Variants in COL21A1 observed in about 807,000 individuals in gnomAD.
COL21A1 encodes the protein collagen alpha-1(XXI) chain.
Under a neutral mutation model 137.9 loss-of-function variants are expected in COL21A1, and 149 were observed. That is an observed-to-expected ratio of 1.08 (90% CI 0.95 to 1.24). The LOEUF (loss-of-function observed/expected upper bound fraction) is 1.24, where lower values mean the gene tolerates loss of function less well. Ranked by LOEUF, COL21A1 falls within the 50% of genes most tolerant of loss-of-function variation. The pLI is 0.00. For synonymous variants in COL21A1, 456 were observed against 391.5 expected, an observed-to-expected ratio of 1.16 and a Z score of -1.95; for missense variants, 1,167 against 1,158.4, an observed-to-expected ratio of 1.01 and a Z score of -0.11.
At chr6:56,374,787 A>ATGTTC (rs1301020454) in intron 1 of COL21A1, among the ~76,000 whole-genome samples, 3 of 152,186 alleles carry the variant, frequency 2.0e-5, no homozygotes, top group Non-Finnish European at 4.4e-5. Flanking sequence ...GTTTGTAAAA[A>ATGTTC]AGACATTCAG....
chr6:56,352,315 C>T (rs551817004), intron 1 of COL21A1, among the ~76,000 whole-genome samples: 37 of 152,170 alleles, frequency 2.4e-4, no homozygotes, highest in Middle Eastern at 6.8e-3. Context: ...TCCACATAGT[C>T]GGTCTTGTGG....
intron 1 of COL21A1, among the ~76,000 whole-genome samples, chr6:56,301,862 C>A (rs993036277): frequency 3.3e-5 from 5 of 152,018 alleles, no homozygotes; most frequent in African/African-American, 9.7e-5. Context: ...TCTCCCCCCC[C>A]CAATCCCACA....
chr6:56,345,903 A>G (rs1008508008), intron 1 of COL21A1, among the ~76,000 whole-genome samples: 2 of 152,174 alleles, frequency 1.3e-5, no homozygotes, highest in African/African-American at 4.8e-5. Context: ...CAGGGGCCAG[A>G]CTGAGTCAAC....
chr6:56,121,621 C>T (rs991499951), intron 16 of COL21A1, among the ~76,000 whole-genome samples: 3 of 147,408 alleles, frequency 2.0e-5, no homozygotes, highest in African/African-American at 7.5e-5. Flanking sequence ...GTGTACAATA[C>T]CAAGAATTAA....
intron 1 of COL21A1, among the ~76,000 whole-genome samples, chr6:56,352,002 T>C (rs1765721031): frequency 6.6e-6 from 1 of 152,132 alleles, no homozygotes; most frequent in African/African-American, 2.4e-5. Flanking sequence ...GGTGCAGTTG[T>C]ACACACCTGT....
intron 1 of COL21A1, among the ~76,000 whole-genome samples, chr6:56,269,524 G>A (rs1041883729): frequency 1.9e-4 from 29 of 150,778 alleles, no homozygotes; most frequent in East Asian, 3.9e-4. Flanking sequence ...GCGTAGTGGC[G>A]GGCGCCTGTA....
chr6:56,322,349 T>C (rs1175281118), intron 1 of COL21A1, among the ~76,000 whole-genome samples: 2 of 152,108 alleles, frequency 1.3e-5, no homozygotes, highest in East Asian at 3.9e-4. Flanking sequence ...TCATCCACCA[T>C]ATTCACCTGA....
At chr6:56,183,020 G>T (rs1271548464) in intron 1 of COL21A1, among the ~76,000 whole-genome samples, 3 of 152,048 alleles carry the variant, frequency 2.0e-5, no homozygotes, top group Non-Finnish European at 2.9e-5. Flanking sequence ...TTAAACGTGG[G>T]TTTGTATTTA....
rs111369710 is a variant in COL21A1, at chr6:56,081,276, T to C, written c.1813-3703A>G. Among the ~76,000 whole-genome samples, 367 of 151,540 alleles carry C rather than the reference T, an allele frequency of 2.4e-3. 1 individual carries two copies. The highest frequency in any genetic ancestry group is 7.9e-3 in the African/African-American group (328 of 41,426). On this transcript the variant is annotated intron_variant, in intron 17 of 29. Coordinates refer to ENST00000244728, the MANE Select transcript of COL21A1 (RefSeq NM_030820.4). ...TTTTTTTTCTTATTGGCTTTCTACC[T>C]TGCCTTTCCCTACTTGCATTTCCAA...
chr6:56,311,704 T>C (rs753240058), intron 1 of COL21A1, among the ~76,000 whole-genome samples: 1 of 152,204 alleles, frequency 6.6e-6, no homozygotes, highest in Admixed American at 6.5e-5. Context: ...TTTAAATACT[T>C]GCCCTGGAAA....
chr6:56,303,162 G>A (rs998183347), intron 1 of COL21A1, among the ~76,000 whole-genome samples: 20 of 152,280 alleles, frequency 1.3e-4, no homozygotes, highest in African/African-American at 3.1e-4. Flanking sequence ...GTCAGGTAGC[G>A]TGATGCCTCC....
chr6:56,070,794 C>A lies in COL21A1; in HGVS notation c.1970G>T (p.Ser657Ile). ...GQPGTPGSKG[S>I]KGEPGIQGMP... is the part of the protein sequence containing the mutation. ...CCCTTGAATTCCAGGTTCACCTTTG[C>A]TTCCCTGTCAACACATCAAAAACAT... The change falls in exon 21 of 30, where the codon AGC (serine) becomes ATC (isoleucine). Residue 657 changes from serine to isoleucine, a missense_variant. By Grantham distance (142) the Ser-to-Ile change is moderately radical. Coordinates refer to ENST00000244728, the MANE Select transcript of COL21A1 (RefSeq NM_030820.4). 1 of 1,596,046 alleles carries A rather than the reference C, an allele frequency of 6.3e-7. No homozygotes were observed. The highest frequency in any genetic ancestry group is 8.5e-7 in the Non-Finnish European group (1 of 1,173,534).
intron 9 of COL21A1, among the ~76,000 whole-genome samples, chr6:56,162,827 A>C (rs946587790): frequency 1.3e-5 from 2 of 152,242 alleles, no homozygotes; most frequent in Non-Finnish European, 2.9e-5. Flanking sequence ...ATATTCTCCC[A>C]GGAGAATTTT....
At chr6:56,079,990 G>A (rs976843607) in intron 17 of COL21A1, among the ~76,000 whole-genome samples, 1 of 151,610 alleles carries the variant, frequency 6.6e-6, no homozygotes, top group African/African-American at 2.4e-5. Flanking sequence ...AGGTTAACCA[G>A]GGAAACTGAA....
chr6:56,124,219 C>CT lies in COL21A1; in HGVS notation c.1704+19dup, dbSNP rs1229178606. ...TTTATTTAAAGCAAAATACTAAGAG[C>CT]TTTTTTCTATCAAACTCACAGCAGG... On this transcript the variant is annotated intron_variant, in intron 15 of 29. Coordinates refer to ENST00000244728, the MANE Select transcript of COL21A1 (RefSeq NM_030820.4). 2 of 1,582,504 alleles carry CT rather than the reference C, an allele frequency of 1.3e-6. No homozygotes were observed. Among genetic ancestry groups the CT allele is most frequent in the South Asian group, 2.3e-5 (2 of 86,252 alleles).
At chr6:56,338,065 C>T (rs545064477) in intron 1 of COL21A1, among the ~76,000 whole-genome samples, 5 of 149,640 alleles carry the variant, frequency 3.3e-5, no homozygotes, top group South Asian at 2.1e-4. Context: ...CGGGTTCAAG[C>T]GATTCTCCTG....
intron 3 of COL21A1, among the ~76,000 whole-genome samples, chr6:56,173,299 G>A (rs1346145090): frequency 1.3e-5 from 2 of 151,930 alleles, no homozygotes; most frequent in African/African-American, 4.8e-5. Flanking sequence ...GATTGACTGA[G>A]TCTGGGAGGT....
intron 1 of COL21A1, among the ~76,000 whole-genome samples, chr6:56,183,248 A>C (rs1003859282): frequency 3.9e-5 from 6 of 151,924 alleles, no homozygotes; most frequent in Non-Finnish European, 5.9e-5. Flanking sequence ...CACAACAATG[A>C]GTACATACCA....
rs148503265 is a variant in COL21A1, at chr6:56,088,723, CATG to C, written c.1813-11153_1813-11151del. Among the ~76,000 whole-genome samples the C allele has an allele frequency of 7.1e-3, 1,082 of 152,190 alleles. 16 individuals carry two copies. Among genetic ancestry groups the C allele is most frequent in the African/African-American group, 0.024 (1,015 of 41,526 alleles). The stretch of plus-strand genomic sequence containing the variant: ...CACTAGTGGCACTTCCTATGTGTTT[CATG>C]ATGTTATTCAGAGTTTACAGTATTG... On this transcript the variant is annotated intron_variant, in intron 17 of 29. Coordinates refer to ENST00000244728, the MANE Select transcript of COL21A1 (RefSeq NM_030820.4).
Sources: allele counts gnomAD v4.1 joint callset (sites outside exome capture counted in the v4.1 genomes callset), GRCh38; gene constraint gnomAD v4.1.1; transcripts MANE v1.5; gene names NCBI Gene and HGNC (gene_info 2026-07-23, HGNC 2026-07-21).